The following BCR variants were observed in gnomAD, a reference collection of about 807,000 sequenced individuals.
BCR encodes the protein breakpoint cluster region protein.
BCR carries 58 observed loss-of-function variants against 138.6 expected under a neutral mutation model. The observed-to-expected ratio is 0.42, with a 90% confidence interval of 0.34 to 0.52. The LOEUF (loss-of-function observed/expected upper bound fraction) is 0.52, where lower values mean the gene tolerates loss of function less well. Among genes scored for constraint, BCR ranks in the 20% least tolerant of loss-of-function variants. The pLI is 0.06. For missense variants in BCR, 1,599 were observed against 1,727.2 expected, an observed-to-expected ratio of 0.93 and a Z score of 1.32; for synonymous variants, 786 against 730.1, an observed-to-expected ratio of 1.08 and a Z score of -1.23.
At chr22:23,245,917 G>A (rs775420972) in intron 1 of BCR, among the ~76,000 whole-genome samples, 38 of 152,074 alleles carry the variant, frequency 2.5e-4, no homozygotes, top group African/African-American at 7.7e-4. Context: ...CACCATCTCC[G>A]TTTAGTTCCG....
At chr22:23,225,584 G>T (rs1334410990) in intron 1 of BCR, among the ~76,000 whole-genome samples, 1 of 152,238 alleles carries the variant, frequency 6.6e-6, no homozygotes, top group African/African-American at 2.4e-5. Flanking sequence ...GGAGGTGGCT[G>T]GGATGGCCCA....
At chr22:23,302,724 A>T (rs1309632201) in intron 16 of BCR, 2 of 152,172 alleles carry the variant, frequency 1.3e-5, no homozygotes, top group Admixed American at 6.5e-5. Flanking sequence ...CACTCCTCCG[A>T]CTTACTTCCT....
intron 2 of BCR, among the ~76,000 whole-genome samples, chr22:23,256,218 G>T (rs1421678778): frequency 6.6e-6 from 1 of 152,184 alleles, no homozygotes; most frequent in East Asian, 1.9e-4. Flanking sequence ...TGGGAAATGG[G>T]CATCAGGCTG....
Position 23,218,852 on chromosome 22 carries a change from T to G in BCR, c.1280-34947T>G, listed in dbSNP as rs565467793. Among the ~76,000 whole-genome samples, 10 of 152,360 alleles carry G rather than the reference T, an allele frequency of 6.6e-5. 1 individual carries two copies. Among genetic ancestry groups the G allele is most frequent in the East Asian group, 3.9e-4 (2 of 5,174 alleles). On this transcript the variant is annotated intron_variant, in intron 1 of 22. Transcript: ENST00000305877. ...TGAGCACATTCTGAGGGTGAGTGGCTGTCAGCAGTTAGGAAAAATTGCCTG... is the reference window on the plus strand; with the variant it reads ...TGAGCACATTCTGAGGGTGAGTGGCGGTCAGCAGTTAGGAAAAATTGCCTG...
chr22:23,294,916 C>G (rs1186653144), intron 15 of BCR, 108 bp from the exon 16 acceptor site: 1 of 1,435,182 alleles, frequency 7.0e-7, no homozygotes, highest in African/African-American at 1.4e-5. Context: ...GCATTGGTCC[C>G]TCTGGGCCAG....
intron 1 of BCR, among the ~76,000 whole-genome samples, chr22:23,202,861 G>GTT (rs68082217): frequency 6.0e-5 from 9 of 149,184 alleles, no homozygotes; most frequent in African/African-American, 2.0e-4. Flanking sequence ...TTTTTGTGGG[G>GTT]TTTTTTTTTT....
At chr22:23,202,777 A>G (rs147089957) in intron 1 of BCR, among the ~76,000 whole-genome samples, 13 of 139,126 alleles carry the variant, frequency 9.3e-5, no homozygotes, top group Non-Finnish European at 1.8e-4. Context: ...TCTATCATTC[A>G]TTGATGGGCA....
At chr22:23,298,013 C>A (rs935647443) in intron 16 of BCR, among the ~76,000 whole-genome samples, 3 of 152,176 alleles carry the variant, frequency 2.0e-5, no homozygotes, top group Non-Finnish European at 4.4e-5. Context: ...AAGAAAAACC[C>A]GAGCTGGACA....
intron 16 of BCR, among the ~76,000 whole-genome samples, chr22:23,296,871 G>A (rs932036727): frequency 6.6e-6 from 1 of 152,226 alleles, no homozygotes; most frequent in Non-Finnish European, 1.5e-5. Flanking sequence ...GATTCTCATG[G>A]TGGGAGATTG....
intron 16 of BCR, chr22:23,307,747 T>TA (rs2073965678): frequency 6.8e-6 from 1 of 147,630 alleles, no homozygotes; most frequent in South Asian, 2.1e-4. Context: ...CGTTAACCAG[T>TA]AGGACCTAGA....
intron 1 of BCR, among the ~76,000 whole-genome samples, chr22:23,222,378 A>G (rs1602031192): frequency 6.6e-6 from 1 of 152,338 alleles, no homozygotes; most frequent in Middle Eastern, 3.4e-3. Context: ...GGAAGGTGGA[A>G]CACAGCATAT....
chr22:23,187,220 C>G (rs2072354887), intron 1 of BCR, among the ~76,000 whole-genome samples: 1 of 150,932 alleles, frequency 6.6e-6, no homozygotes, highest in Non-Finnish European at 1.5e-5. Context: ...GTCTTTTTCT[C>G]ATTTCATCCC....
At chr22:23,196,594 C>G (rs557001661) in intron 1 of BCR, among the ~76,000 whole-genome samples, 2 of 152,234 alleles carry the variant, frequency 1.3e-5, no homozygotes, top group Admixed American at 1.3e-4. Context: ...ACACCAGTGA[C>G]CAGTTTCATG....
At chr22:23,281,616 G>T (rs1004113484) in intron 8 of BCR, among the ~76,000 whole-genome samples, 3 of 152,040 alleles carry the variant, frequency 2.0e-5, no homozygotes, top group Non-Finnish European at 2.9e-5. Flanking sequence ...GGCCTGAGAT[G>T]CTGTGACATG....
At position 23,240,021 on chromosome 22, in the gene BCR, T is replaced by C. The variant is rs187384332; in HGVS notation, c.1280-13778T>C. On this transcript the variant is annotated intron_variant, in intron 1 of 22. Coordinates refer to ENST00000305877, the MANE Select transcript of BCR (RefSeq NM_004327.4). ...TTTGTAGAGACACGTTCTTGTTATG[T>C]TGTCCAGGCTAGTCTCGAACTCCTG... 2.5e-3 allele frequency among the ~76,000 whole-genome samples: 384 copies of C among 152,202 alleles called. 2 individuals carry two copies. The highest frequency in any genetic ancestry group is 8.9e-3 in the African/African-American group (371 of 41,520).
chr22:23,199,806 C>T (rs954278460), intron 1 of BCR, among the ~76,000 whole-genome samples: 1 of 152,050 alleles, frequency 6.6e-6, no homozygotes, highest in African/African-American at 2.4e-5. Context: ...TAAGACAAGG[C>T]GGGGCCAGGC....
intron 16 of BCR, among the ~76,000 whole-genome samples, chr22:23,297,225 T>TTTTTTTTG (rs2073856204): frequency 1.9e-4 from 27 of 142,132 alleles, no homozygotes; most frequent in Admixed American, 1.8e-3. Flanking sequence ...TTTTTTGTTT[T>TTTTTTTTG]TTTTTTTTTT....
In BCR at chr22:23,181,995, C is replaced by T. The variant is rs575719304; in HGVS notation, c.1035C>T (p.Phe345=). ...NENLTSSEED[F]SSGQSSRVSP... is the part of the protein sequence containing the mutation. Reference sequence around the variant, plus strand: ...ACCTCACCTCCAGCGAGGAGGACTTCTCCTCTGGCCAGTCCAGCCGCGTGT... The same window carrying T: ...ACCTCACCTCCAGCGAGGAGGACTTTTCCTCTGGCCAGTCCAGCCGCGTGT... Residue 345 remains phenylalanine, a synonymous_variant, in exon 1 of 23, where the codon TTC becomes TTT. Transcript: ENST00000305877. The T allele has an allele frequency of 5.0e-5, 81 of 1,613,372 alleles. 1 individual carries two copies. In the South Asian group the frequency reaches 8.6e-4, roughly 17 times the overall value.
chr22:23,247,400 T>G (rs1220252558), intron 1 of BCR, among the ~76,000 whole-genome samples: 1 of 152,178 alleles, frequency 6.6e-6, no homozygotes, highest in East Asian at 1.9e-4. Flanking sequence ...AGTTCCTGCC[T>G]CCTCCACCCA....
Sources: gnomAD v4.1 joint callset for allele counts (sites outside exome capture counted in the v4.1 genomes callset) on GRCh38, gnomAD v4.1.1 for gene constraint, MANE v1.5 for transcripts, NCBI Gene and HGNC (gene_info 2026-07-23, HGNC 2026-07-21) for gene names.